Variants in CC2D2B observed in about 807,000 individuals in gnomAD.
CC2D2B encodes the protein coiled-coil and C2 domain containing 2B.
Under a neutral mutation model 161.2 loss-of-function variants are expected in CC2D2B, and 128 were observed. The ratio of observed to expected loss-of-function variants is 0.79; its 90% CI spans 0.69 to 0.92. The LOEUF (loss-of-function observed/expected upper bound fraction) is 0.92. Ranked by LOEUF, CC2D2B falls within the 40% of genes least tolerant of loss-of-function variation. CC2D2B has a pLI of 0.00. For synonymous variants in CC2D2B, 391 were observed against 449.8 expected, an observed-to-expected ratio of 0.87 and a Z score of 1.65; for missense variants, 1,173 against 1,375.1, an observed-to-expected ratio of 0.85 and a Z score of 2.32.
rs756985611 is a variant in CC2D2B at position 96,013,784 on chromosome 10, C to T, written c.3427-4C>T. 47 of 1,578,828 alleles carry T rather than the reference C, an allele frequency of 3.0e-5. No individual in the cohort carries two copies. Among genetic ancestry groups the T allele is most frequent in the Admixed American group, 6.8e-5 (4 of 58,628 alleles). On this transcript the variant is annotated splice_region_variant and splice_polypyrimidine_tract_variant and intron_variant, in intron 28 of 34. Transcript: ENST00000646931. Reference sequence around the variant, plus strand: ...ACACTCAATAAATGTGAATATTATTCTAGGACCTCATTGCTCGATTTGTAT... The same window carrying T: ...ACACTCAATAAATGTGAATATTATTTTAGGACCTCATTGCTCGATTTGTAT...
chr10:96,019,456 G>A, intron 31 of CC2D2B, 119 bp downstream of exon 31: 2 of 1,077,260 alleles, frequency 1.9e-6, no homozygotes, highest in South Asian at 3.2e-5. Context: ...TAGGGCATGG[G>A]GCCGGGGCAA....
chr10:96,028,500 A>G (rs2079880295), intron 34 of CC2D2B, among the ~76,000 whole-genome samples: 1 of 152,222 alleles, frequency 6.6e-6, no homozygotes, highest in South Asian at 2.1e-4. Flanking sequence ...ATGTGGAGAA[A>G]AGGAAACCTT....
At chr10:95,958,244 C>T (rs576741938) in intron 11 of CC2D2B, among the ~76,000 whole-genome samples, 4 of 152,286 alleles carry the variant, frequency 2.6e-5, no homozygotes, top group African/African-American at 7.2e-5. Context: ...GTAATCCCAG[C>T]ACTTTGAGAG....
chr10:95,970,880 A>C lies in CC2D2B; in HGVS notation c.1645-1186A>C, dbSNP rs200318041. Among the ~76,000 whole-genome samples the C allele has an allele frequency of 3.9e-5, 6 of 152,336 alleles. No homozygotes were observed. In the East Asian group the frequency reaches 1.2e-3, roughly 29 times the overall value. On this transcript the variant is annotated intron_variant, in intron 15 of 34. Coordinates refer to ENST00000646931, the MANE Select transcript of CC2D2B (RefSeq NM_001349008.3). ...GTGGTGTCTTAAATTCTCTCTTACAAGGAAGTAAAACCAGATAACTAGAAA... is the reference window on the plus strand; with the variant it reads ...GTGGTGTCTTAAATTCTCTCTTACACGGAAGTAAAACCAGATAACTAGAAA...
In CC2D2B at chr10:95,922,581, G is replaced by C. The variant is rs114569453; in HGVS notation, c.97+505G>C. On this transcript the variant is annotated intron_variant, in intron 3 of 34. Coordinates refer to ENST00000646931, the MANE Select transcript of CC2D2B (RefSeq NM_001349008.3). Reference sequence around the variant, plus strand: ...CTCATGACCTATAGTTAGTTATTTAGCTTTATGCTTACCCTTTACTTCTAC... The same window carrying C: ...CTCATGACCTATAGTTAGTTATTTACCTTTATGCTTACCCTTTACTTCTAC... 8.2e-3 allele frequency among the ~76,000 whole-genome samples: 1,241 copies of C among 152,266 alleles called. 15 individuals are homozygous for C. Among genetic ancestry groups the C allele is most frequent in the African/African-American group, 0.028 (1,179 of 41,554 alleles).
chr10:95,968,798 T>C lies in CC2D2B; in HGVS notation c.1541T>C (p.Val514Ala). Residue 514 changes from valine (V) to alanine (A), a missense_variant, in exon 15 of 35, where the codon GTT becomes GCT. By Grantham distance (64) the Val-to-Ala change is moderately conservative (BLOSUM62 0). Transcript: ENST00000646931. ...FIKIFYNNKQ[V>A]SCTSVSPLQF... ...AAAATATTTTACAACAATAAACAGG[T>C]TTCTTGTACTTCAGTATCTCCCCTA... is the stretch of plus-strand genomic sequence containing the variant. 8.3e-7 allele frequency: 1 copy of C among 1,202,518 alleles called. No individual in the cohort carries two copies. The highest frequency in any genetic ancestry group is 1.0e-6 in the Non-Finnish European group (1 of 961,222). 74.5% of individuals were successfully genotyped at this position (1,202,518 alleles called of 1,614,324 possible). A position where few individuals can be genotyped will look rare whatever the true frequency, so the allele number is the denominator to read the frequency against.
At chr10:96,027,447 A>ATTATTTAGC in intron 34 of CC2D2B, 58 bp downstream of exon 34, 4 of 1,218,682 alleles carry the variant, frequency 3.3e-6, no homozygotes, top group Non-Finnish European at 4.5e-6. Flanking sequence ...GTTAATTGCT[A>ATTATTTAGC]AATAATAGCA....
At position 96,031,917 on chromosome 10, in the gene CC2D2B, C is replaced by T. The variant is rs1180571501; in HGVS notation, c.4223C>T (p.Thr1408Ile). Residue 1408 changes from threonine (T) to isoleucine (I), a missense_variant, in exon 35 of 35, where the codon ACA becomes ATA. Transcript: ENST00000646931. ...TGIHSAEFPQ[T>I]EFALAVYIHP... ...ATTCACTCTGCTGAATTTCCCCAGA[C>T]AGAATTTGCTTTAGCTGTATACATT... 5 of 1,613,536 alleles carry T rather than the reference C, an allele frequency of 3.1e-6. No homozygotes were observed. The South Asian group carries it at 5.5e-5, about 18-fold the overall frequency.
chr10:95,958,181 G>A (rs879294185), intron 11 of CC2D2B, among the ~76,000 whole-genome samples: 7 of 151,840 alleles, frequency 4.6e-5, no homozygotes, highest in Non-Finnish European at 8.8e-5. Context: ...CAAGAAAACC[G>A]TACGTTAAAC....
chr10:95,938,784 A>C lies in CC2D2B; in HGVS notation c.673-13A>C, dbSNP rs576483954. 1 of 705,866 alleles carries C rather than the reference A, an allele frequency of 1.4e-6. No homozygotes were observed. The highest frequency in any genetic ancestry group is 1.8e-5 in the African/African-American group (1 of 56,498). 43.7% of individuals were successfully genotyped at this position (705,866 alleles called of 1,614,324 possible). A position where few individuals can be genotyped will look rare whatever the true frequency, so the allele number is the denominator to read the frequency against. ...CAAAATATTTAATTACTATACTTAA[A>C]TATTTTTGATAGGGAAAATGTTGGT... On this transcript the variant is annotated splice_polypyrimidine_tract_variant and intron_variant, in intron 8 of 34. Transcript: ENST00000646931.
At chr10:95,960,760 C>G (rs1230566550) in intron 11 of CC2D2B, among the ~76,000 whole-genome samples, 1 of 152,146 alleles carries the variant, frequency 6.6e-6, no homozygotes, top group African/African-American at 2.4e-5. Flanking sequence ...TGATCCACCC[C>G]ACCTTGGCCT....
chr10:96,022,849 A>T (rs139509334), intron 32 of CC2D2B: 1 of 152,540 alleles, frequency 6.6e-6, no homozygotes, highest in Non-Finnish European at 1.5e-5. Flanking sequence ...GGGAGTGCAC[A>T]GCAGGAGGCC....
intron 10 of CC2D2B, chr10:95,950,348 A>C: frequency 3.3e-6 from 1 of 299,870 alleles, no homozygotes; most frequent in Non-Finnish European, 6.0e-6. Flanking sequence ...CCTATAACTC[A>C]AGAAGAGTAT....
Position 95,927,267 on chromosome 10 carries a change from GAA to G in CC2D2B, c.273_274del (p.Leu93PhefsTer8). The G allele has an allele frequency of 1.9e-6, 3 of 1,550,950 alleles. No individual in the cohort carries two copies. The highest frequency in any genetic ancestry group is 2.6e-6 in the Non-Finnish European group (3 of 1,146,006). On this transcript the variant is annotated frameshift_variant, in exon 6 of 35. Transcript: ENST00000646931. LOFTEE classifies it high-confidence loss of function. ...TCCACAGACTGAAGTCTCATTGGAT[GAA>G]AGTCTTTCATTTTTCATTCTGAGTG... ...LSPQTEVSLD[E>X]SLSFFILSGE... is the part of the protein sequence containing the mutation.
intron 11 of CC2D2B, among the ~76,000 whole-genome samples, chr10:95,959,976 T>C (rs1462680544): frequency 1.3e-5 from 2 of 152,186 alleles, no homozygotes; most frequent in African/African-American, 4.8e-5. Context: ...TCTGGAAATA[T>C]ATGGAGAATA....
At position 95,968,784 on chromosome 10, in the gene CC2D2B, C is replaced by T. The variant is rs2077026677; in HGVS notation, c.1527C>T (p.Tyr509=). Residue 509 remains tyrosine (Y), a synonymous_variant, in exon 15 of 35, where the codon TAC becomes TAT. Transcript: ENST00000646931. The part of the protein sequence containing the change: ...QKLKYFIKIF[Y]NNKQVSCTSV... Reference sequence around the variant, plus strand: ...TCAAATACTTTATTAAAATATTTTACAACAATAAACAGGTTTCTTGTACTT... The same window carrying T: ...TCAAATACTTTATTAAAATATTTTATAACAATAAACAGGTTTCTTGTACTT... 1.7e-6 allele frequency: 2 copies of T among 1,206,962 alleles called. No homozygotes were observed. Among genetic ancestry groups the T allele is most frequent in the African/African-American group, 1.6e-5 (1 of 64,016 alleles). The allele number at this position is 1,206,962 out of a possible 1,614,324, so 74.8% of individuals were successfully genotyped here. A position where few individuals can be genotyped will look rare whatever the true frequency, so the allele number is the denominator to read the frequency against.
At chr10:95,995,910 C>T (rs937924001) in intron 23 of CC2D2B, among the ~76,000 whole-genome samples, 3 of 152,084 alleles carry the variant, frequency 2.0e-5, no homozygotes, top group Non-Finnish European at 4.4e-5. Flanking sequence ...TATATTTTCC[C>T]CTGATAGACT....
At chr10:95,981,398 CAAAAAAAAAAA>C (rs35175559) in intron 17 of CC2D2B, among the ~76,000 whole-genome samples, 1 of 88,440 alleles carries the variant, frequency 1.1e-5, no homozygotes, top group East Asian at 3.5e-4. Flanking sequence ...GACTCCGTCT[CAAAAAAAAAAA>C]AAAAAAAAAA....
chr10:95,918,285 T>A (rs982138722), intron 2 of CC2D2B, among the ~76,000 whole-genome samples: 9 of 152,240 alleles, frequency 5.9e-5, no homozygotes, highest in Non-Finnish European at 1.3e-4. Context: ...CTTTAACATT[T>A]CTTGCAGAAC....
Sources: gnomAD v4.1 joint callset for allele counts (sites outside exome capture counted in the v4.1 genomes callset) on GRCh38, gnomAD v4.1.1 for gene constraint, MANE v1.5 for transcripts, NCBI Gene and HGNC (gene_info 2026-07-23, HGNC 2026-07-21) for gene names.